The following SAMMSON variants were observed in gnomAD, a reference collection of about 807,000 sequenced individuals.
SAMMSON encodes long intergenic non-protein coding RNA 1212.
chr3:70,224,112 ATCTT>A (rs1701482488), intron 4 of SAMMSON, among the ~76,000 whole-genome samples: 1 of 152,150 alleles, frequency 6.6e-6, no homozygotes. Context: ...CCCTGTGTGT[ATCTT>A]TATCACTAAC....
At chr3:70,235,111 C>A (rs1251740913) in intron 4 of SAMMSON, among the ~76,000 whole-genome samples, 1 of 152,082 alleles carries the variant, frequency 6.6e-6, no homozygotes, top group Non-Finnish European at 1.5e-5. Flanking sequence ...TTTTTCCAAC[C>A]TCTATTGGAG....
chr3:70,139,727 T>C (rs1217993029), intron 4 of SAMMSON, among the ~76,000 whole-genome samples: 2 of 152,176 alleles, frequency 1.3e-5, no homozygotes, highest in African/African-American at 2.4e-5. Flanking sequence ...GTGTTTGAAT[T>C]CTTGGCCTGT....
At chr3:70,288,490 A>G (rs1702191295) in intron 6 of SAMMSON, among the ~76,000 whole-genome samples, 2 of 150,792 alleles carry the variant, frequency 1.3e-5, no homozygotes, top group Admixed American at 6.6e-5. Context: ...TATGTGGTCA[A>G]TTTTGGAATA....
At chr3:70,213,236 T>C (rs773868691) in intron 4 of SAMMSON, among the ~76,000 whole-genome samples, 47 of 152,056 alleles carry the variant, frequency 3.1e-4, no homozygotes, top group Non-Finnish European at 5.1e-4. Flanking sequence ...GCCTCCTGAG[T>C]AGATCTTTTT....
intron 4 of SAMMSON, among the ~76,000 whole-genome samples, chr3:70,139,556 G>A (rs1439584937): frequency 6.6e-6 from 1 of 152,142 alleles, no homozygotes; most frequent in East Asian, 1.9e-4. Flanking sequence ...TTAAAATCTA[G>A]GTGGAGGCAG....
chr3:70,313,381 G>A (rs1397574621), intron 7 of SAMMSON, among the ~76,000 whole-genome samples: 1 of 151,828 alleles, frequency 6.6e-6, no homozygotes, highest in African/African-American at 2.4e-5. Flanking sequence ...GAGAGGTTAA[G>A]GTGGGAGAAT....
intron 7 of SAMMSON, among the ~76,000 whole-genome samples, chr3:70,344,676 G>A (rs1009589734): frequency 6.6e-6 from 1 of 152,156 alleles, no homozygotes; most frequent in Non-Finnish European, 1.5e-5. Flanking sequence ...GCTGCCATGG[G>A]GCCAGAGCCA....
chr3:70,193,795 G>C (rs1701149808), intron 4 of SAMMSON, among the ~76,000 whole-genome samples: 1 of 152,108 alleles, frequency 6.6e-6, no homozygotes, highest in South Asian at 2.1e-4. Flanking sequence ...ATTTTGTTGA[G>C]AGAAAGAAAC....
intron 4 of SAMMSON, among the ~76,000 whole-genome samples, chr3:70,118,335 ATTG>A (rs1285610425): frequency 6.6e-6 from 1 of 152,202 alleles, no homozygotes; most frequent in African/African-American, 2.4e-5. Context: ...TAGTTTCTCC[ATTG>A]TTGTTACATT....
intron 3 of SAMMSON, among the ~76,000 whole-genome samples, chr3:70,052,162 TA>T (rs1485876437): frequency 6.8e-6 from 1 of 147,008 alleles, no homozygotes; most frequent in Non-Finnish European, 1.5e-5. Context: ...TTTATTTTCT[TA>T]ACTCTGTAAC....
chr3:70,392,422 A>G (rs1289562531), downstream of SAMMSON, among the ~76,000 whole-genome samples: 1 of 152,130 alleles, frequency 6.6e-6, no homozygotes, highest in African/African-American at 2.4e-5. Flanking sequence ...CAAGTAAACA[A>G]TGTGCAGGTG....
At chr3:70,007,427 T>A (rs571000759) in intron 1 of SAMMSON, among the ~76,000 whole-genome samples, 1 of 152,348 alleles carries the variant, frequency 6.6e-6, no homozygotes, top group African/African-American at 2.4e-5. Flanking sequence ...CATGTGTCTG[T>A]TGGCTGCATA....
intron 8 of SAMMSON, among the ~76,000 whole-genome samples, chr3:70,356,691 G>GT (rs1188882806): frequency 1.3e-5 from 2 of 151,530 alleles, no homozygotes; most frequent in African/African-American, 4.8e-5. Flanking sequence ...TATCCTTTTT[G>GT]TTTTTTTGTA....
At position 70,166,323 on chromosome 3, in the gene SAMMSON, A is replaced by G. The variant is rs117903050; in HGVS notation, n.508-82784A>G. ...AAAAGGATGAGGCTTTGTGGTAAGTATTGCTATGATGGTGGCTTGCCTTCT... is the reference window on the plus strand; with the variant it reads ...AAAAGGATGAGGCTTTGTGGTAAGTGTTGCTATGATGGTGGCTTGCCTTCT... On this transcript the variant is annotated intron_variant and non_coding_transcript_variant, in intron 4 of 9. Coordinates refer to ENST00000642114, the Ensembl canonical transcript of SAMMSON. Among the ~76,000 whole-genome samples the G allele has an allele frequency of 1.2e-3, 190 of 152,122 alleles. 5 individuals carry two copies. In the East Asian group the frequency reaches 0.036, roughly 29 times the overall value.
chr3:70,297,449 G>T (rs1575619354), intron 7 of SAMMSON, among the ~76,000 whole-genome samples: 1 of 152,066 alleles, frequency 6.6e-6, no homozygotes, highest in East Asian at 1.9e-4. Flanking sequence ...CCCTCACGTT[G>T]TTTATTTAGT....
intron 4 of SAMMSON, among the ~76,000 whole-genome samples, chr3:70,097,020 G>A (rs1397631336): frequency 2.0e-5 from 3 of 152,198 alleles, no homozygotes; most frequent in Non-Finnish European, 4.4e-5. Flanking sequence ...CATAAAAGTT[G>A]TTTTTCTCCC....
intron 4 of SAMMSON, chr3:70,095,958 T>A (rs2067321533): frequency 6.6e-6 from 1 of 152,184 alleles, no homozygotes; most frequent in African/African-American, 2.4e-5. Flanking sequence ...ACATGTTTAT[T>A]TTTCCACAGT....
chr3:70,388,121 T>G (rs1290205451), intron 9 of SAMMSON, among the ~76,000 whole-genome samples: 1 of 152,136 alleles, frequency 6.6e-6, no homozygotes, highest in Non-Finnish European at 1.5e-5. Context: ...AGGAGAAGTT[T>G]AAGACTCTGA....
At chr3:70,210,169 T>C (rs2106727550) in intron 4 of SAMMSON, among the ~76,000 whole-genome samples, 1 of 152,236 alleles carries the variant, frequency 6.6e-6, no homozygotes, top group African/African-American at 2.4e-5. Context: ...GGTATATGAT[T>C]CTCTTTTTAA....
Sources: allele counts gnomAD v4.1 joint callset (sites outside exome capture counted in the v4.1 genomes callset), GRCh38; gene constraint gnomAD v4.1.1; transcripts MANE v1.5; gene names NCBI Gene and HGNC (gene_info 2026-07-23, HGNC 2026-07-21).